Variants in GRB10 observed in about 807,000 individuals in gnomAD.
GRB10 encodes growth factor receptor bound protein 10, also known as growth factor receptor-bound protein 10.
Under a neutral mutation model 80.9 loss-of-function variants are expected in GRB10, and 20 were observed. The observed-to-expected ratio is 0.25, with a 90% CI of 0.17 to 0.36. GRB10 has a LOEUF of 0.36. Among genes scored for constraint, GRB10 ranks in the 10% least tolerant of loss-of-function variants. The pLI, the probability that GRB10 is intolerant of heterozygous loss-of-function variation, is 1.00. For synonymous variants in GRB10, 291 were observed against 291.5 expected (o/e 1.00, Z 0.02); for missense variants, 548 against 747.7 (o/e 0.73, Z 3.12).
intron 7 of GRB10, among the ~76,000 whole-genome samples, chr7:50,657,197 G>A (rs1042383717): frequency 1.3e-5 from 2 of 152,158 alleles, no homozygotes; most frequent in Non-Finnish European, 2.9e-5. Context: ...AAATGCCGAG[G>A]GGCCAGGAAC....
chr7:50,650,797 T>C (rs1466945350), intron 7 of GRB10, among the ~76,000 whole-genome samples: 1 of 152,190 alleles, frequency 6.6e-6, no homozygotes, highest in Non-Finnish European at 1.5e-5. Context: ...GAGTAACAAG[T>C]TGTCTTTTTC....
intron 2 of GRB10, among the ~76,000 whole-genome samples, chr7:50,756,416 G>C (rs141299069): frequency 1.3e-5 from 2 of 152,210 alleles, no homozygotes; most frequent in East Asian, 3.9e-4. Context: ...TCGGGCCCAG[G>C]TCAGGGTCCT....
chr7:50,743,722 C>T (rs2072324416), intron 3 of GRB10, among the ~76,000 whole-genome samples: 1 of 152,232 alleles, frequency 6.6e-6, no homozygotes, highest in African/African-American at 2.4e-5. Context: ...GAGAGGCCGA[C>T]ACCAGAAACT....
Position 50,592,545 on chromosome 7 carries a change from G to GAAA in GRB10, c.*406_*407insTTT. On this transcript the variant is annotated 3_prime_UTR_variant, in exon 19 of 19. Transcript: ENST00000401949. ...GGCTGAATACAATATTGAAAACAAA[G>GAAA]AAGGAGTGCAAAAAAGTGATCAATA... 2 of 279,676 alleles carry GAAA rather than the reference G, an allele frequency of 7.2e-6. No homozygotes were observed. The highest frequency in any genetic ancestry group is 9.8e-5 in the Admixed American group (2 of 20,430). 17.3% of individuals were successfully genotyped at this position (279,676 alleles called of 1,614,324 possible).
At chr7:50,617,898 T>C (rs891515295) in intron 10 of GRB10, 173 bp downstream of exon 10, 2 of 664,712 alleles carry the variant, frequency 3.0e-6, no homozygotes, top group Non-Finnish European at 5.3e-6. Context: ...AGGAAACTTT[T>C]AATTTCTGGT....
chr7:50,615,663 G>T (rs2050480892), intron 11 of GRB10, among the ~76,000 whole-genome samples: 1 of 152,206 alleles, frequency 6.6e-6, no homozygotes, highest in Admixed American at 6.5e-5. Flanking sequence ...TCCTGCCACA[G>T]GGTATATGTG....
chr7:50,620,968 A>C (rs1363398913), intron 8 of GRB10, among the ~76,000 whole-genome samples: 1 of 152,256 alleles, frequency 6.6e-6, no homozygotes, highest in East Asian at 1.9e-4. Flanking sequence ...GATTTACAGA[A>C]CTAAAAATTT....
At chr7:50,670,302 T>C (rs2240500) in intron 6 of GRB10, among the ~76,000 whole-genome samples, 99,175 of 151,854 alleles carry the variant, frequency 0.65, 32,686 homozygotes, top group African/African-American at 0.72. Flanking sequence ...TCGCTGTTTA[T>C]TGGGGACAGA....
intron 2 of GRB10, among the ~76,000 whole-genome samples, chr7:50,764,718 T>A (rs561775194): frequency 2.0e-5 from 3 of 152,262 alleles, no homozygotes; most frequent in Admixed American, 2.0e-4. Context: ...CGTCCCAACT[T>A]CATGCAAGGA....
At chr7:50,675,365 AG>A (rs1483869559) in intron 5 of GRB10, among the ~76,000 whole-genome samples, 2 of 152,270 alleles carry the variant, frequency 1.3e-5, no homozygotes, top group Admixed American at 1.3e-4. Flanking sequence ...CACTGTAGAA[AG>A]GGAGGAATGA....
chr7:50,623,849 T>C (rs891093542), intron 8 of GRB10, among the ~76,000 whole-genome samples: 4 of 152,144 alleles, frequency 2.6e-5, no homozygotes, highest in African/African-American at 7.2e-5. Context: ...TTTGGAACAT[T>C]TGCATTATAG....
chr7:50,707,764 A>C (rs946629323), intron 4 of GRB10, among the ~76,000 whole-genome samples: 28 of 152,206 alleles, frequency 1.8e-4, no homozygotes, highest in African/African-American at 6.8e-4. Context: ...CAGGGCCTGC[A>C]CAGCCCTGCT....
intron 7 of GRB10, among the ~76,000 whole-genome samples, chr7:50,669,349 C>T (rs565349003): frequency 1.3e-5 from 2 of 152,264 alleles, no homozygotes; most frequent in South Asian, 2.1e-4. Flanking sequence ...CAGGAACTGG[C>T]GTCTCGCACA....
chr7:50,720,975 C>T (rs1411848091), intron 4 of GRB10, among the ~76,000 whole-genome samples: 1 of 140,964 alleles, frequency 7.1e-6, no homozygotes, highest in East Asian at 2.1e-4. Context: ...GCAATAAATA[C>T]CCTCTTCATC....
chr7:50,747,224 C>T (rs1163536486), intron 3 of GRB10, among the ~76,000 whole-genome samples: 2 of 152,172 alleles, frequency 1.3e-5, no homozygotes, highest in African/African-American at 2.4e-5. Flanking sequence ...GAGAGACACA[C>T]GACCTATCCC....
intron 7 of GRB10, among the ~76,000 whole-genome samples, chr7:50,665,580 G>A (rs1408765708): frequency 6.6e-6 from 1 of 152,188 alleles, no homozygotes; most frequent in African/African-American, 2.4e-5. Flanking sequence ...TGCTCTCAGG[G>A]CTCCCCCTGG....
chr7:50,786,301 T>C (rs963063785), upstream of GRB10, among the ~76,000 whole-genome samples: 1 of 150,330 alleles, frequency 6.7e-6, no homozygotes, highest in East Asian at 2.0e-4. Context: ...AAGAGGAAAA[T>C]GGAAGAAAAG....
At chr7:50,734,404 T>C (rs2070424799) in intron 3 of GRB10, among the ~76,000 whole-genome samples, 1 of 152,084 alleles carries the variant, frequency 6.6e-6, no homozygotes, top group Non-Finnish European at 1.5e-5. Context: ...GAGTGTCCTC[T>C]TGGCCACCTT....
rs144044546 is a variant in GRB10 at position 50,789,371 on chromosome 7, C to G, written c.-294+3853G>C. 8.5e-5 allele frequency among the ~76,000 whole-genome samples: 13 copies of G among 152,356 alleles called. No homozygotes were observed. The East Asian group carries it at 2.3e-3, about 27-fold the overall frequency. On this transcript the variant is annotated intron_variant, in intron 1 of 16. Coordinates refer to the GRB10 transcript ENST00000335866. Reference sequence around the variant, plus strand: ...AAGACTGCATGAGCTCTGCATCGTGCCAATCACACACATCACACCTCGTGC... The same window carrying G: ...AAGACTGCATGAGCTCTGCATCGTGGCAATCACACACATCACACCTCGTGC...
Sources: gnomAD v4.1 joint callset for allele counts (sites outside exome capture counted in the v4.1 genomes callset) on GRCh38, gnomAD v4.1.1 for gene constraint, MANE v1.5 for transcripts, NCBI Gene and HGNC (gene_info 2026-07-23, HGNC 2026-07-21) for gene names.